NCAM2: variants seen among roughly 807,000 people sequenced by gnomAD.
The protein encoded by NCAM2 is N-CAM-2.
In NCAM2, 30 loss-of-function variants were observed where a neutral mutation model predicts 98.1. That is an observed-to-expected ratio of 0.31 (90% CI 0.23 to 0.41). NCAM2 has a LOEUF of 0.41. NCAM2 is among the 10% of genes least tolerant of loss of function. NCAM2 has a pLI of 1.00. For missense variants in NCAM2, 867 were observed against 1,005.8 expected (o/e 0.86, Z 1.87); for synonymous variants, 368 against 342.4 (o/e 1.07, Z -0.83).
intron 15 of NCAM2, among the ~76,000 whole-genome samples, chr21:21,482,460 A>T (rs961848577): frequency 1.3e-5 from 2 of 152,224 alleles, no homozygotes; most frequent in South Asian, 2.1e-4. Context: ...TTTAAAGGTT[A>T]AAGTGGTTTT....
chr21:21,498,875 G>C (rs1378054509), intron 15 of NCAM2, among the ~76,000 whole-genome samples: 1 of 151,966 alleles, frequency 6.6e-6, no homozygotes, highest in Non-Finnish European at 1.5e-5. Context: ...ATGTACTAGG[G>C]GGCAAAATGA....
At chr21:21,464,774 A>G (rs566757058) in intron 12 of NCAM2, among the ~76,000 whole-genome samples, 2 of 152,118 alleles carry the variant, frequency 1.3e-5, no homozygotes, top group African/African-American at 4.8e-5. Flanking sequence ...GTGTAACTAT[A>G]TACTTTTCTG....
intron 8 of NCAM2, among the ~76,000 whole-genome samples, chr21:21,341,389 C>G (rs987143268): frequency 6.6e-6 from 1 of 151,548 alleles, no homozygotes; most frequent in South Asian, 2.1e-4. Context: ...TGTTAGTCTT[C>G]AAGCCATATT....
At chr21:21,476,696 T>A (rs1019173228) in intron 14 of NCAM2, among the ~76,000 whole-genome samples, 24 of 152,194 alleles carry the variant, frequency 1.6e-4, no homozygotes, top group African/African-American at 5.5e-4. Flanking sequence ...TGTTTGAGAA[T>A]AGGATGGCGT....
intron 1 of NCAM2, among the ~76,000 whole-genome samples, chr21:21,020,855 G>A (rs951800847): frequency 6.6e-6 from 1 of 152,276 alleles, no homozygotes; most frequent in South Asian, 2.1e-4. Flanking sequence ...GACTCACTGT[G>A]GCCTAGTAGA....
chr21:21,257,731 C>T (rs548195481), intron 1 of NCAM2, among the ~76,000 whole-genome samples: 10 of 152,104 alleles, frequency 6.6e-5, no homozygotes, highest in Non-Finnish European at 5.9e-5. Context: ...TCCAGGGACC[C>T]GCCACTATGC....
intron 6 of NCAM2, among the ~76,000 whole-genome samples, chr21:21,333,477 C>A (rs1044855908): frequency 3.9e-5 from 6 of 152,084 alleles, no homozygotes; most frequent in African/African-American, 1.4e-4. Flanking sequence ...TTAATGCCAA[C>A]CAAATTATGG....
At position 21,196,567 on chromosome 21, in the gene NCAM2, T is replaced by A. The variant is rs536503488; in HGVS notation, c.56-84011T>A. On this transcript the variant is annotated intron_variant, in intron 1 of 17. Coordinates refer to ENST00000400546, the MANE Select transcript of NCAM2 (RefSeq NM_004540.5). Reference sequence around the variant, plus strand: ...ATGGATCTCATCCACAAATGTATAGTCTAGGCCCTAGGGTCACAAGATCAA... The same window carrying A: ...ATGGATCTCATCCACAAATGTATAGACTAGGCCCTAGGGTCACAAGATCAA... Among the ~76,000 whole-genome samples the A allele has an allele frequency of 3.3e-5, 5 of 152,322 alleles. No homozygotes were observed. The East Asian group carries it at 9.7e-4, about 29-fold the overall frequency.
At chr21:21,132,832 C>A (rs1200879577) in intron 1 of NCAM2, among the ~76,000 whole-genome samples, 1 of 152,064 alleles carries the variant, frequency 6.6e-6, no homozygotes, top group Non-Finnish European at 1.5e-5. Context: ...AACCACATAA[C>A]CACTGCACAA....
At chr21:21,374,263 A>G (rs909539381) in intron 9 of NCAM2, among the ~76,000 whole-genome samples, 30 of 151,798 alleles carry the variant, frequency 2.0e-4, no homozygotes, top group Non-Finnish European at 1.3e-4. Flanking sequence ...TTTTTTTGCA[A>G]CATTGAACTC....
At chr21:21,152,625 C>T (rs928203048) in intron 1 of NCAM2, among the ~76,000 whole-genome samples, 1 of 151,912 alleles carries the variant, frequency 6.6e-6, no homozygotes, top group African/African-American at 2.4e-5. Context: ...CTAGAAGTAG[C>T]TTAGTTCTAC....
chr21:21,069,790 A>G (rs963443805), intron 1 of NCAM2, among the ~76,000 whole-genome samples: 4 of 151,916 alleles, frequency 2.6e-5, no homozygotes, highest in Admixed American at 6.6e-5. Context: ...CTTATTTCCA[A>G]CTCCTCTCGA....
rs561339684 is a variant in NCAM2, at chr21:21,468,700, A to G, written c.1813A>G (p.Ser605Gly). The G allele has an allele frequency of 2.5e-5, 40 of 1,612,122 alleles. 1 individual carries two copies. The South Asian group carries it at 4.4e-4, about 18-fold the overall frequency. Residue 605 changes from serine to glycine, a missense_variant, in exon 14 of 18, where the codon AGT becomes GGT. Ser to Gly is a moderately conservative substitution (Grantham distance 56, BLOSUM62 0). This residue lies in a region of NCAM2 where 234 missense variants were observed against 333.8 expected (regional missense o/e 0.70). Coordinates refer to ENST00000400546, the MANE Select transcript of NCAM2 (RefSeq NM_004540.5). ...TCCATCCATACATGGACAGCCAAGC[A>G]GTGGAAAGAGCTTTAAACTCAGCAT... ...SPPSIHGQPS[S>G]GKSFKLSITK... is the part of the protein sequence containing the mutation.
chr21:21,275,372 G>A (rs2072688498), intron 1 of NCAM2, among the ~76,000 whole-genome samples: 1 of 151,624 alleles, frequency 6.6e-6, no homozygotes, highest in African/African-American at 2.4e-5. Flanking sequence ...CCTGGGAGGC[G>A]GAGCTTGCAG....
At position 21,364,635 on chromosome 21, in the gene NCAM2, C is replaced by T. The variant is rs116294333; in HGVS notation, c.1045-9228C>T. 9.8e-3 allele frequency among the ~76,000 whole-genome samples: 1,491 copies of T among 151,508 alleles called. 9 individuals carry two copies. The highest frequency in any genetic ancestry group is 0.015 in the African/African-American group (625 of 41,280). On this transcript the variant is annotated intron_variant, in intron 8 of 17. Coordinates refer to ENST00000400546, the MANE Select transcript of NCAM2 (RefSeq NM_004540.5). ...ACATGTATATACATGTATATGTATA[C>T]GTATACATAAATATGTACATATACA...
intron 12 of NCAM2, among the ~76,000 whole-genome samples, chr21:21,461,081 C>T (rs1982903611): frequency 6.6e-6 from 1 of 151,746 alleles, no homozygotes; most frequent in African/African-American, 2.4e-5. Flanking sequence ...TTATAAAAAT[C>T]TACGCATTTA....
chr21:21,324,973 G>GT (rs1264505146), intron 6 of NCAM2, among the ~76,000 whole-genome samples: 12 of 129,166 alleles, frequency 9.3e-5, no homozygotes, highest in African/African-American at 3.4e-4. Flanking sequence ...AATTTAATGT[G>GT]TAATTTTTAA....
chr21:21,274,366 T>C (rs1383456294), intron 1 of NCAM2, among the ~76,000 whole-genome samples: 2 of 152,104 alleles, frequency 1.3e-5, no homozygotes, highest in Non-Finnish European at 2.9e-5. Context: ...ACAATAAAAA[T>C]AATTTTTAAA....
intron 9 of NCAM2, among the ~76,000 whole-genome samples, chr21:21,403,822 A>C (rs970536707): frequency 2.0e-5 from 3 of 152,294 alleles, no homozygotes; most frequent in East Asian, 3.9e-4. Context: ...AATGTTAATT[A>C]TTCACCATAC....
Sources: allele counts gnomAD v4.1 joint callset (sites outside exome capture counted in the v4.1 genomes callset), GRCh38; gene constraint gnomAD v4.1.1; regional missense constraint gnomAD v4.1.1; transcripts MANE v1.5; gene names NCBI Gene and HGNC (gene_info 2026-07-23, HGNC 2026-07-21).